TBL1X: variants seen among roughly 807,000 people sequenced by gnomAD.
TBL1X encodes the protein transducin beta like 1 X-linked.
Under a neutral mutation model 50.7 loss-of-function variants are expected in TBL1X, and 10 were observed. That is an observed-to-expected ratio of 0.20 (90% CI 0.12 to 0.33). The LOEUF is 0.33. TBL1X is among the 10% of genes least tolerant of loss of function. TBL1X has a pLI of 1.00. For missense variants in TBL1X, 340 were observed against 504.4 expected, an observed-to-expected ratio of 0.67 and a Z score of 3.12; for synonymous variants, 190 against 214.7, an observed-to-expected ratio of 0.88 and a Z score of 1.01.
At chrX:9,527,713 T>A (rs2082139515) in intron 2 of TBL1X, among the ~76,000 whole-genome samples, 1 of 111,531 alleles carries the variant, frequency 9.0e-6, no homozygotes, top group South Asian at 3.8e-4. Context: ...TGTGAGTGAC[T>A]GAGTGTGTTT....
intron 5 of TBL1X, among the ~76,000 whole-genome samples, chrX:9,675,751 C>T (rs984611408): frequency 1.8e-5 from 2 of 110,068 alleles, no homozygotes; most frequent in African/African-American, 6.6e-5. Flanking sequence ...ATTACCTGGG[C>T]GTGGTGGCAT....
At position 9,714,952 on chromosome X, in the gene TBL1X, G is replaced by C; in HGVS notation, c.1656G>C (p.Val552=). 1 of 1,211,960 alleles carries C rather than the reference G, an allele frequency of 8.3e-7. No homozygotes were observed. The highest frequency in any genetic ancestry group is 1.1e-6 in the Non-Finnish European group (1 of 895,522). The change falls in exon 17 of 18, where the codon GTG becomes GTC. Residue 552 remains valine, a synonymous_variant. Transcript: ENST00000645353. The part of the protein sequence containing the change: ...SYRGTGGIFE[V]CWNARGDKVG... ...GAGGCACTGGCGGCATCTTCGAGGTGTGCTGGAACGCCCGAGGAGACAAAG... is the reference window on the plus strand; with the variant it reads ...GAGGCACTGGCGGCATCTTCGAGGTCTGCTGGAACGCCCGAGGAGACAAAG...
At chrX:9,476,009 C>T (rs761196958) in intron 1 of TBL1X, among the ~76,000 whole-genome samples, 1 of 112,316 alleles carries the variant, frequency 8.9e-6, no homozygotes, top group South Asian at 3.7e-4. Context: ...ATGATTAATG[C>T]TCATCAGAAT....
At chrX:9,674,472 G>T (rs1422635669) in intron 5 of TBL1X, among the ~76,000 whole-genome samples, 1 of 111,443 alleles carries the variant, frequency 9.0e-6, no homozygotes, top group East Asian at 2.8e-4. Flanking sequence ...ATGTTGCCCA[G>T]ACTAGTCTCG....
chrX:9,604,440 C>G (rs1015838469), intron 2 of TBL1X, among the ~76,000 whole-genome samples: 3 of 110,097 alleles, frequency 2.7e-5, no homozygotes, highest in African/African-American at 6.6e-5. Flanking sequence ...GCCAACTGTT[C>G]TCTTAACAGA....
chrX:9,527,000 C>T (rs739560), intron 2 of TBL1X, among the ~76,000 whole-genome samples: 27,448 of 110,983 alleles, frequency 0.25, 3,380 homozygotes, highest in African/African-American at 0.47. Flanking sequence ...CACGGAACCA[C>T]TGGGAAGCTG....
At chrX:9,685,598 T>G (rs1189057069) in intron 6 of TBL1X, among the ~76,000 whole-genome samples, 1 of 111,899 alleles carries the variant, frequency 8.9e-6, no homozygotes, top group Non-Finnish European at 1.9e-5. Context: ...GTCCCGTCTT[T>G]CTGGGAACTG....
chrX:9,640,714 C>G (rs1601811102), intron 3 of TBL1X, among the ~76,000 whole-genome samples: 1 of 111,000 alleles, frequency 9.0e-6, no homozygotes, highest in African/African-American at 3.3e-5. Flanking sequence ...CACTGCAACC[C>G]CCGCCTCCCA....
chrX:9,511,943 C>T (rs1427606912), intron 2 of TBL1X, among the ~76,000 whole-genome samples: 3 of 111,769 alleles, frequency 2.7e-5, no homozygotes, highest in Non-Finnish European at 3.8e-5. Flanking sequence ...TCACTGCAGC[C>T]TCAACCTCTG....
At chrX:9,474,008 T>C (rs1043192815) in intron 1 of TBL1X, among the ~76,000 whole-genome samples, 2 of 112,273 alleles carry the variant, frequency 1.8e-5, no homozygotes, top group Non-Finnish European at 3.8e-5. Context: ...GTCTCTAAAT[T>C]TGGGGGAAGG....
chrX:9,506,169 G>T (rs749343754), intron 2 of TBL1X, among the ~76,000 whole-genome samples: 2 of 111,784 alleles, frequency 1.8e-5, no homozygotes, highest in African/African-American at 3.2e-5. Context: ...ACATAATTTC[G>T]TGGAAATTGA....
At chrX:9,470,552 G>T (rs188320674) in intron 1 of TBL1X, among the ~76,000 whole-genome samples, 2 of 112,703 alleles carry the variant, frequency 1.8e-5, no homozygotes, top group Admixed American at 1.9e-4. Context: ...AGCACGCTCG[G>T]CCTATTTATT....
intron 12 of TBL1X, among the ~76,000 whole-genome samples, chrX:9,703,931 G>A (rs1015336031): frequency 2.7e-5 from 3 of 112,591 alleles, no homozygotes; most frequent in African/African-American, 9.7e-5. Flanking sequence ...GGAGGCAGAC[G>A]CTCTGAGGAC....
At chrX:9,707,247 A>G (rs757269953) in intron 13 of TBL1X, among the ~76,000 whole-genome samples, 2 of 111,293 alleles carry the variant, frequency 1.8e-5, no homozygotes, top group African/African-American at 6.5e-5. Flanking sequence ...CCCCTGGCCC[A>G]GGGGTCCCTG....
At chrX:9,622,630 G>A (rs1217697990) in intron 2 of TBL1X, among the ~76,000 whole-genome samples, 1 of 110,672 alleles carries the variant, frequency 9.0e-6, no homozygotes, top group Non-Finnish European at 1.9e-5. Flanking sequence ...TAATTTTTTT[G>A]TGTTTTTTGT....
intron 1 of TBL1X, among the ~76,000 whole-genome samples, chrX:9,476,834 A>G (rs765582400): frequency 8.9e-6 from 1 of 112,706 alleles, no homozygotes; most frequent in South Asian, 3.6e-4. Context: ...CAAAAATAAA[A>G]ATCAAATCAA....
chrX:9,717,115 A>G lies in TBL1X; in HGVS notation c.*869A>G, dbSNP rs1031182105. The stretch of plus-strand genomic sequence containing the variant: ...CTCTCTCTCCCTCTGTACCTTTCTC[A>G]TAGTTGCTTCAGATCTTAGGTCTCA... On this transcript the variant is annotated 3_prime_UTR_variant, in exon 18 of 18. Coordinates refer to ENST00000645353, the MANE Select transcript of TBL1X (RefSeq NM_005647.4). The G allele has an allele frequency of 3.7e-5, 4 of 108,446 alleles. No homozygotes were observed. The highest frequency in any genetic ancestry group is 6.8e-5 in the African/African-American group (2 of 29,514). 8.9% of individuals were successfully genotyped at this position (108,446 alleles called of 1,213,427 possible). A position where few individuals can be genotyped will look rare whatever the true frequency, so the allele number is the denominator to read the frequency against.
intron 2 of TBL1X, among the ~76,000 whole-genome samples, chrX:9,616,972 G>A (rs1453132355): frequency 9.0e-6 from 1 of 111,693 alleles, no homozygotes; most frequent in African/African-American, 3.3e-5. Context: ...TTTTTTACCC[G>A]TGATGTGCAC....
At chrX:9,591,378 G>A (rs987827909) in intron 2 of TBL1X, among the ~76,000 whole-genome samples, 2 of 112,027 alleles carry the variant, frequency 1.8e-5, no homozygotes, top group Non-Finnish European at 3.8e-5. Flanking sequence ...TCTCTCAGAC[G>A]CCTTGCTGTA....
Sources: gnomAD v4.1 joint callset for allele counts (sites outside exome capture counted in the v4.1 genomes callset) on GRCh38, gnomAD v4.1.1 for gene constraint, MANE v1.5 for transcripts, NCBI Gene and HGNC (gene_info 2026-07-23, HGNC 2026-07-21) for gene names.